SBSPON: variants seen among roughly 807,000 people sequenced by gnomAD.
SBSPON encodes the protein somatomedin B and thrombospondin type 1 domain containing, also known as somatomedin-B and thrombospondin type-1 domain-containing protein.
Under a neutral mutation model 35.8 loss-of-function variants are expected in SBSPON, and 30 were observed. That is an observed-to-expected ratio of 0.84 (90% CI 0.63 to 1.14). SBSPON has a LOEUF of 1.14. SBSPON is among the 50% of genes most tolerant of loss of function. The pLI, the probability that SBSPON is intolerant of heterozygous loss-of-function variation, is 0.00. For missense variants in SBSPON, 364 were observed against 357.7 expected (o/e 1.02, Z -0.14); for synonymous variants, 136 against 135.9 (o/e 1.00, Z 0.00).
At position 73,093,162 on chromosome 8, in the gene SBSPON, C is replaced by G. The variant is rs28510649; in HGVS notation, c.-95G>C. 1.8e-6 allele frequency: 1 copy of G among 546,418 alleles called. No homozygotes were observed. The highest frequency in any genetic ancestry group is 8.7e-5 in the South Asian group (1 of 11,538). 33.8% of individuals were successfully genotyped at this position (546,418 alleles called of 1,614,324 possible). A position where few individuals can be genotyped will look rare whatever the true frequency, so the allele number is the denominator to read the frequency against. ...GCGGCCCGGGAGCTGCCCGAGCGGC[C>G]GGCGAGGCACAGCCGGGCCCTGCCC... On this transcript the variant is annotated 5_prime_UTR_variant, in exon 1 of 5. Coordinates refer to ENST00000297354, the MANE Select transcript of SBSPON (RefSeq NM_153225.4).
chr8:73,068,705 G>T (rs1810438935), intron 4 of SBSPON, among the ~76,000 whole-genome samples: 1 of 152,102 alleles, frequency 6.6e-6, no homozygotes, highest in South Asian at 2.1e-4. Context: ...CTCAGTCAGG[G>T]TTTTATGAAG....
chr8:73,090,202 A>G (rs1810904746), intron 1 of SBSPON, among the ~76,000 whole-genome samples: 1 of 152,234 alleles, frequency 6.6e-6, no homozygotes, highest in Admixed American at 6.5e-5. Flanking sequence ...TTAATGAGGT[A>G]CTTTAGGCCC....
chr8:73,091,136 C>T (rs1052376178), intron 1 of SBSPON, among the ~76,000 whole-genome samples: 5 of 152,196 alleles, frequency 3.3e-5, no homozygotes, highest in Admixed American at 3.3e-4. Context: ...TAGCACAGGG[C>T]CTGGCACAAG....
At chr8:73,071,316 C>T (rs2129990575) in intron 3 of SBSPON, among the ~76,000 whole-genome samples, 1 of 152,322 alleles carries the variant, frequency 6.6e-6, no homozygotes, top group Non-Finnish European at 1.5e-5. Context: ...GAGCGTGCAG[C>T]TGTCTGGTAT....
chr8:73,070,036 T>C (rs1441293450), intron 3 of SBSPON, 55 bp from the exon 4 acceptor site: 2 of 1,205,252 alleles, frequency 1.7e-6, no homozygotes, highest in Non-Finnish European at 2.3e-6. Context: ...GGCCTAAAGC[T>C]GTAGAAAGTC....
intron 1 of SBSPON, among the ~76,000 whole-genome samples, chr8:73,092,572 G>A (rs987470246): frequency 2.0e-5 from 3 of 152,084 alleles, no homozygotes; most frequent in African/African-American, 4.8e-5. Flanking sequence ...TTCGTCTCTC[G>A]GCTCCCTTCC....
At chr8:73,076,929 A>G (rs563574469) in intron 2 of SBSPON, among the ~76,000 whole-genome samples, 1 of 152,248 alleles carries the variant, frequency 6.6e-6, no homozygotes, top group East Asian at 1.9e-4. Context: ...TTTTTGAGAC[A>G]GAGTTTCGCT....
chr8:73,068,459 G>A (rs909321113), intron 4 of SBSPON, among the ~76,000 whole-genome samples: 2 of 152,176 alleles, frequency 1.3e-5, no homozygotes, highest in African/African-American at 2.4e-5. Context: ...AGTTACACCT[G>A]ACATACTGAA....
At chr8:73,085,411 A>G (rs1461668666) in intron 1 of SBSPON, 1 of 150,544 alleles carries the variant, frequency 6.6e-6, no homozygotes, top group African/African-American at 2.5e-5. Flanking sequence ...TCCCTCACTC[A>G]AGAATTTCAG....
chr8:73,081,469 C>G (rs942873791), intron 1 of SBSPON, among the ~76,000 whole-genome samples: 1 of 152,088 alleles, frequency 6.6e-6, no homozygotes, highest in South Asian at 2.1e-4. Context: ...TGGGTCTGAT[C>G]CAGGGAAACA....
intron 1 of SBSPON, among the ~76,000 whole-genome samples, chr8:73,092,539 G>C (rs1810955500): frequency 6.6e-6 from 1 of 152,186 alleles, no homozygotes; most frequent in African/African-American, 2.4e-5. Context: ...GCCCTATCCA[G>C]CTGGAGTTTC....
At chr8:73,076,971 A>G (rs1319726681) in intron 2 of SBSPON, among the ~76,000 whole-genome samples, 1 of 152,144 alleles carries the variant, frequency 6.6e-6, no homozygotes, top group Non-Finnish European at 1.5e-5. Context: ...CAATGGCACA[A>G]TCTTGGCTCA....
chr8:73,081,770 A>G (rs1273179093), intron 1 of SBSPON, among the ~76,000 whole-genome samples: 4 of 152,186 alleles, frequency 2.6e-5, no homozygotes, highest in African/African-American at 9.7e-5. Flanking sequence ...AGGGACCCCT[A>G]TACTCTAAGC....
At chr8:73,087,143 C>T (rs1221465071) in intron 1 of SBSPON, among the ~76,000 whole-genome samples, 1 of 152,156 alleles carries the variant, frequency 6.6e-6, no homozygotes, top group Admixed American at 6.5e-5. Context: ...GGGCCTACCC[C>T]GCAAAGCACA....
intron 2 of SBSPON, among the ~76,000 whole-genome samples, chr8:73,079,582 T>TACCTCAGCCCCACAC (rs1276185878): frequency 2.7e-5 from 4 of 147,866 alleles, no homozygotes; most frequent in Non-Finnish European, 2.9e-5. Flanking sequence ...CAGCCCCACA[T>TACCTCAGCCCCACAC]ACCTCAGCCC....
rs559484983 is a variant in SBSPON, at chr8:73,077,158, G to A, written c.409+3861C>T. Among the ~76,000 whole-genome samples, 53 of 152,252 alleles carry A rather than the reference G, an allele frequency of 3.5e-4. 1 individual carries two copies. The highest frequency in any genetic ancestry group is 8.8e-5 in the Non-Finnish European group (6 of 68,006). ...TGACCTCAGGTGATCCACTCACCTC[G>A]ACCTCCCAAAGTGCTGGGATTACAG... is the stretch of plus-strand genomic sequence containing the variant. On this transcript the variant is annotated intron_variant, in intron 2 of 4. Transcript: ENST00000297354.
intron 2 of SBSPON, among the ~76,000 whole-genome samples, chr8:73,074,214 G>C (rs1487307870): frequency 1.3e-5 from 2 of 152,088 alleles, no homozygotes; most frequent in African/African-American, 4.8e-5. Context: ...AATCAAATTT[G>C]TACTGCATAT....
intron 1 of SBSPON, among the ~76,000 whole-genome samples, chr8:73,086,354 G>A (rs538247636): frequency 7.2e-5 from 11 of 152,078 alleles, no homozygotes; most frequent in African/African-American, 2.7e-4. Flanking sequence ...TAGAGATGGG[G>A]TTTTGCCATG....
intron 2 of SBSPON, among the ~76,000 whole-genome samples, chr8:73,073,701 C>T (rs758390699): frequency 6.6e-5 from 10 of 151,276 alleles, no homozygotes; most frequent in East Asian, 5.9e-4. Flanking sequence ...CCCATCTGTT[C>T]GGGAGGCTGG....
Sources: gnomAD v4.1 joint callset for allele counts (sites outside exome capture counted in the v4.1 genomes callset) on GRCh38, gnomAD v4.1.1 for gene constraint, MANE v1.5 for transcripts, NCBI Gene and HGNC (gene_info 2026-07-23, HGNC 2026-07-21) for gene names.